Variants in PLSCR2 observed in about 807,000 individuals in gnomAD.
PLSCR2 encodes the protein phospholipid scramblase 2.
Under a neutral mutation model 25.3 loss-of-function variants are expected in PLSCR2, and 18 were observed. The ratio of observed to expected loss-of-function variants is 0.71; its 90% confidence interval spans 0.49 to 1.06. The LOEUF (loss-of-function observed/expected upper bound fraction) is 1.06. Ranked by LOEUF, PLSCR2 falls within the 50% of genes least tolerant of loss-of-function variation. The pLI is 0.00. For synonymous variants in PLSCR2, 88 were observed against 87.3 expected (o/e 1.01, Z -0.04); for missense variants, 243 against 269.5 (o/e 0.90, Z 0.69).
chr3:146,406,780 T>C (rs1309058386), intron 2 of PLSCR2, among the ~76,000 whole-genome samples: 3 of 152,134 alleles, frequency 2.0e-5, no homozygotes, highest in African/African-American at 7.2e-5. Flanking sequence ...GTGAGGTCTT[T>C]TCTAAGCAGG....
chr3:146,484,692 G>C (rs1424822161), intron 1 of PLSCR2, among the ~76,000 whole-genome samples: 3 of 151,976 alleles, frequency 2.0e-5, no homozygotes. Flanking sequence ...GCCAAACTAA[G>C]CTTCATAAAC....
chr3:146,437,239 T>C (rs1462988452), downstream of PLSCR2, among the ~76,000 whole-genome samples: 1 of 152,146 alleles, frequency 6.6e-6, no homozygotes, highest in Non-Finnish European at 1.5e-5. Context: ...AAAATTCTCT[T>C]TTTTTGTTGT....
upstream of PLSCR2, among the ~76,000 whole-genome samples, chr3:146,461,041 T>C (rs2041542988): frequency 6.6e-6 from 1 of 152,126 alleles, no homozygotes; most frequent in Admixed American, 6.6e-5. Context: ...ATTTAACAGA[T>C]GAAAAATTCT....
At chr3:146,461,713 G>C (rs1034751949), upstream of PLSCR2, 2 of 608,294 alleles carry the variant, frequency 3.3e-6, no homozygotes, top group African/African-American at 3.7e-5. Context: ...GTTCGTGAGA[G>C]AGGAGAGTCA....
intron 1 of PLSCR2, among the ~76,000 whole-genome samples, chr3:146,477,822 C>T (rs939028198): frequency 1.3e-5 from 2 of 152,210 alleles, no homozygotes; most frequent in Admixed American, 6.5e-5. Flanking sequence ...CTGGGAGACA[C>T]CTCCCAGTAG....
At chr3:146,450,866 T>C (rs1019144992) in intron 5 of PLSCR2, among the ~76,000 whole-genome samples, 2 of 152,056 alleles carry the variant, frequency 1.3e-5, no homozygotes, top group Non-Finnish European at 2.9e-5. Flanking sequence ...ACCAAATTTA[T>C]GCAAGAAGTA....
intron 1 of PLSCR2, among the ~76,000 whole-genome samples, chr3:146,465,775 G>A (rs2041836025): frequency 1.3e-5 from 2 of 152,120 alleles, no homozygotes; most frequent in Non-Finnish European, 2.9e-5. Context: ...CCAGGGAGAA[G>A]GCAACATTTA....
intron 1 of PLSCR2, among the ~76,000 whole-genome samples, chr3:146,483,669 G>T (rs2043240804): frequency 6.6e-6 from 1 of 150,654 alleles, no homozygotes; most frequent in South Asian, 2.1e-4. Context: ...TAAACCCCTA[G>T]CAAACTTCAG....
At chr3:146,428,292 A>C (rs1163624350), downstream of PLSCR2, among the ~76,000 whole-genome samples, 1 of 152,178 alleles carries the variant, frequency 6.6e-6, no homozygotes, top group Non-Finnish European at 1.5e-5. Flanking sequence ...TTTAGGAAGA[A>C]AGAAACTGAT....
chr3:146,490,725 T>C (rs2043518624), intron 1 of PLSCR2, among the ~76,000 whole-genome samples: 1 of 152,140 alleles, frequency 6.6e-6, no homozygotes, highest in South Asian at 2.1e-4. Context: ...CCCTCTACCT[T>C]GCGCTTGTGG....
chr3:146,396,954 G>C (rs1166633342), intron 2 of PLSCR2, among the ~76,000 whole-genome samples: 1 of 151,990 alleles, frequency 6.6e-6, no homozygotes, highest in African/African-American at 2.4e-5. Flanking sequence ...TCACACACTA[G>C]CCCTACAAAC....
chr3:146,438,136 A>T (rs2039998914), downstream of PLSCR2, among the ~76,000 whole-genome samples: 1 of 151,980 alleles, frequency 6.6e-6, no homozygotes, highest in African/African-American at 2.4e-5. Context: ...GTGGTCTGAG[A>T]GACAGTTTTT....
At chr3:146,405,718 T>A (rs1042556488) in intron 2 of PLSCR2, among the ~76,000 whole-genome samples, 4 of 152,158 alleles carry the variant, frequency 2.6e-5, no homozygotes, top group Non-Finnish European at 5.9e-5. Context: ...AAATTAGACT[T>A]AATGGTAGGA....
intron 8 of PLSCR2, among the ~76,000 whole-genome samples, chr3:146,433,925 G>A (rs2039662529): frequency 6.6e-6 from 1 of 152,134 alleles, no homozygotes; most frequent in African/African-American, 2.4e-5. Flanking sequence ...GGAGGAGTTT[G>A]CTGAAGCTGA....
chr3:146,443,410 G>A (rs1320960957), intron 6 of PLSCR2, among the ~76,000 whole-genome samples: 2 of 151,668 alleles, frequency 1.3e-5, no homozygotes, highest in African/African-American at 4.8e-5. Context: ...TTCTTTGCTG[G>A]GAGACTTTTT....
At chr3:146,416,350 T>TA (rs1014780046) in intron 2 of PLSCR2, among the ~76,000 whole-genome samples, 9 of 152,074 alleles carry the variant, frequency 5.9e-5, no homozygotes, top group Non-Finnish European at 8.8e-5. Flanking sequence ...CTATCAAAAA[T>TA]AAAAATTTAA....
At chr3:146,404,596 A>G (rs1459322574) in intron 2 of PLSCR2, among the ~76,000 whole-genome samples, 1 of 152,192 alleles carries the variant, frequency 6.6e-6, no homozygotes, top group Non-Finnish European at 1.5e-5. Context: ...TGCAAAATAC[A>G]TTCATTCCAC....
intron 2 of PLSCR2, among the ~76,000 whole-genome samples, chr3:146,403,469 C>A (rs2038550101): frequency 6.6e-6 from 1 of 152,146 alleles, no homozygotes; most frequent in South Asian, 2.1e-4. Context: ...GATGTTGATG[C>A]TGCTGTTCCA....
chr3:146,449,900 A>C (rs2040800183), intron 5 of PLSCR2, among the ~76,000 whole-genome samples: 1 of 152,218 alleles, frequency 6.6e-6, no homozygotes, highest in African/African-American at 2.4e-5. Context: ...TTGAGTGAAG[A>C]AAAGCAACCA....
Sources: gnomAD v4.1 joint callset for allele counts (sites outside exome capture counted in the v4.1 genomes callset) on GRCh38, gnomAD v4.1.1 for gene constraint, MANE v1.5 for transcripts, NCBI Gene and HGNC (gene_info 2026-07-23, HGNC 2026-07-21) for gene names.